The following COL23A1 variants were observed in gnomAD, a reference collection of about 807,000 sequenced individuals.
COL23A1 encodes collagen type XXIII alpha 1 chain.
A neutral mutation model predicts 99.3 loss-of-function variants in COL23A1; 97 were observed. The ratio of observed to expected loss-of-function variants is 0.98; its 90% confidence interval spans 0.83 to 1.16. COL23A1 has a LOEUF of 1.16. Among genes scored for constraint, COL23A1 ranks in the 50% most tolerant of loss-of-function variants. The pLI, the probability that COL23A1 is intolerant of heterozygous loss-of-function variation, is 0.00. For missense variants in COL23A1, 762 were observed against 757.4 expected (o/e 1.01, Z -0.07); for synonymous variants, 320 against 308.2 (o/e 1.04, Z -0.40).
At position 178,272,350 on chromosome 5, in the gene COL23A1, G is replaced by A. The variant is rs539163353; in HGVS notation, c.442-1987C>T. Among the ~76,000 whole-genome samples, 5 of 152,330 alleles carry A rather than the reference G, an allele frequency of 3.3e-5. No homozygotes were observed. In the South Asian group the frequency reaches 1.0e-3, roughly 32 times the overall value. ...GCCCATCTGCCCATTCCCAGACGGTGTGAGAGTGGCCACTCCACGTGGGGC... is the reference window on the plus strand; with the variant it reads ...GCCCATCTGCCCATTCCCAGACGGTATGAGAGTGGCCACTCCACGTGGGGC... On this transcript the variant is annotated intron_variant, in intron 5 of 28. Coordinates refer to ENST00000390654, the MANE Select transcript of COL23A1 (RefSeq NM_173465.4).
intron 2 of COL23A1, among the ~76,000 whole-genome samples, chr5:178,443,294 C>T (rs934817306): frequency 6.6e-6 from 1 of 152,194 alleles, no homozygotes. Context: ...TAACCGGATC[C>T]GAACGACTTC....
chr5:178,306,992 G>A lies in COL23A1; in HGVS notation c.362-73C>T. Reference sequence around the variant, plus strand: ...ACTTGGCTGCGTGGGGCATGCCCCAGCCACCCACCTGTCCGCTCGCAACAG... The same window carrying A: ...ACTTGGCTGCGTGGGGCATGCCCCAACCACCCACCTGTCCGCTCGCAACAG... On this transcript the variant is annotated intron_variant, in intron 2 of 28. Coordinates refer to ENST00000390654, the MANE Select transcript of COL23A1 (RefSeq NM_173465.4). The surrounding 1 kb of genome is among the most constrained non-coding windows in gnomAD (Gnocchi z 4.1). 3 of 1,140,508 alleles carry A rather than the reference G, an allele frequency of 2.6e-6. No homozygotes were observed. The highest frequency in any genetic ancestry group is 3.6e-6 in the Non-Finnish European group (3 of 840,938). 70.6% of individuals were successfully genotyped at this position (1,140,508 alleles called of 1,614,324 possible). A position where few individuals can be genotyped will look rare whatever the true frequency, so the allele number is the denominator to read the frequency against.
At chr5:178,445,023 AT>A (rs1227488703) in intron 2 of COL23A1, among the ~76,000 whole-genome samples, 3 of 152,222 alleles carry the variant, frequency 2.0e-5, no homozygotes, top group African/African-American at 7.2e-5. Flanking sequence ...GAAAAAAAAC[AT>A]TGCCTGGCTA....
At chr5:178,505,428 T>G (rs1758812226) in intron 2 of COL23A1, among the ~76,000 whole-genome samples, 1 of 152,006 alleles carries the variant, frequency 6.6e-6, no homozygotes, top group East Asian at 1.9e-4. Flanking sequence ...TTCTTTATAT[T>G]TTTTGGTAGA....
At chr5:178,550,497 A>G (rs934659236) in intron 2 of COL23A1, among the ~76,000 whole-genome samples, 1 of 152,202 alleles carries the variant, frequency 6.6e-6, no homozygotes, top group Non-Finnish European at 1.5e-5. Context: ...CCAGTTGAGA[A>G]GCACGGCTTT....
At position 178,298,714 on chromosome 5, in the gene COL23A1, C is replaced by T. The variant is rs192394882; in HGVS notation, c.406+8161G>A. Among the ~76,000 whole-genome samples, 11 of 152,306 alleles carry T rather than the reference C, an allele frequency of 7.2e-5. No homozygotes were observed. In the East Asian group the frequency reaches 1.7e-3, roughly 24 times the overall value. On this transcript the variant is annotated intron_variant, in intron 3 of 28. Transcript: ENST00000390654. Reference sequence around the variant, plus strand: ...CAGCTCTCAGAAGCATGAACCCATCCCCAGAATAAAGACAACAACCTTCAG... The same window carrying T: ...CAGCTCTCAGAAGCATGAACCCATCTCCAGAATAAAGACAACAACCTTCAG...
intron 2 of COL23A1, among the ~76,000 whole-genome samples, chr5:178,413,138 G>C (rs1268507375): frequency 6.6e-6 from 1 of 152,100 alleles, no homozygotes; most frequent in African/African-American, 2.4e-5. Flanking sequence ...AGCTATGACT[G>C]TCATAGCATT....
At chr5:178,452,802 T>A (rs73338607) in intron 2 of COL23A1, among the ~76,000 whole-genome samples, 13,764 of 152,050 alleles carry the variant, frequency 0.091, 2,028 homozygotes, top group African/African-American at 0.31. Flanking sequence ...TACATGGAGG[T>A]GAGGGGATGG....
In COL23A1 at chr5:178,384,341, G is replaced by C. The variant is rs1763552585; in HGVS notation, c.362-77422C>G. On this transcript the variant is annotated intron_variant, in intron 2 of 28. Coordinates refer to ENST00000390654, the MANE Select transcript of COL23A1 (RefSeq NM_173465.4). This position sits in a 1 kb window ranked among gnomAD's most constrained non-coding sequence, Gnocchi z 5.5. ...CTGCCTGGCGTTTTCTCATAAACCA[G>C]CTTTCACGAGGTGTTGGCTGCTCAG... Among the ~76,000 whole-genome samples, 2 of 152,256 alleles carry C rather than the reference G, an allele frequency of 1.3e-5. No individual in the cohort carries two copies. Among genetic ancestry groups the C allele is most frequent in the African/African-American group, 4.8e-5 (2 of 41,468 alleles).
At chr5:178,576,991 C>T (rs934291321) in intron 1 of COL23A1, among the ~76,000 whole-genome samples, 2 of 151,944 alleles carry the variant, frequency 1.3e-5, no homozygotes, top group African/African-American at 2.4e-5. Context: ...GGGAGCGGCC[C>T]CTCCTCGGGC....
intron 2 of COL23A1, among the ~76,000 whole-genome samples, chr5:178,380,206 G>C (rs1763304591): frequency 1.3e-5 from 2 of 152,294 alleles, no homozygotes; most frequent in South Asian, 4.1e-4. Context: ...AAGTCAATGG[G>C]TCAATTGCTG....
At chr5:178,312,218 T>C (rs1289930645) in intron 2 of COL23A1, among the ~76,000 whole-genome samples, 2 of 152,144 alleles carry the variant, frequency 1.3e-5, no homozygotes, top group Non-Finnish European at 2.9e-5. Flanking sequence ...TCACTGCCTG[T>C]CTGTGAACCT....
chr5:178,589,843 G>A lies in COL23A1; in HGVS notation c.294+61C>T, dbSNP rs1764176680. 5 of 1,241,206 alleles carry A rather than the reference G, an allele frequency of 4.0e-6. No homozygotes were observed. The highest frequency in any genetic ancestry group is 1.6e-5 in the African/African-American group (1 of 63,552). The allele number at this position is 1,241,206 out of a possible 1,614,324, so 76.9% of individuals were successfully genotyped here. A position where few individuals can be genotyped will look rare whatever the true frequency, so the allele number is the denominator to read the frequency against. On this transcript the variant is annotated intron_variant, in intron 1 of 28. Coordinates refer to ENST00000390654, the MANE Select transcript of COL23A1 (RefSeq NM_173465.4). The surrounding 1 kb of genome is among the most constrained non-coding windows in gnomAD (Gnocchi z 5.4). ...CTGCACGCTGCCCCCGGCTCCCAGC[G>A]TACCGCCACCCTCAACCCGACACAC...
chr5:178,480,072 T>C (rs1403708041), intron 2 of COL23A1, among the ~76,000 whole-genome samples: 1 of 151,602 alleles, frequency 6.6e-6, no homozygotes, highest in Non-Finnish European at 1.5e-5. Context: ...ATTATAATTG[T>C]AGAGGTCCAC....
chr5:178,582,222 A>AG (rs1249498100), intron 1 of COL23A1, among the ~76,000 whole-genome samples: 2 of 151,006 alleles, frequency 1.3e-5, no homozygotes, highest in African/African-American at 2.4e-5. Flanking sequence ...AAAAAAAAAA[A>AG]AAAAAAAAAA....
At chr5:178,358,415 GTA>G (rs572648585) in intron 2 of COL23A1, among the ~76,000 whole-genome samples, 1,908 of 122,308 alleles carry the variant, frequency 0.016, 33 homozygotes, top group African/African-American at 0.05. Context: ...GTGTGTATGT[GTA>G]TGTGTGTGTA....
At chr5:178,289,172 C>T (rs778170430) in intron 4 of COL23A1, among the ~76,000 whole-genome samples, 2 of 151,836 alleles carry the variant, frequency 1.3e-5, no homozygotes, top group Non-Finnish European at 2.9e-5. Flanking sequence ...TTCCGAAGGG[C>T]ACTGATCGGG....
At chr5:178,583,864 C>A (rs540354) in intron 1 of COL23A1, among the ~76,000 whole-genome samples, 46,617 of 151,872 alleles carry the variant, frequency 0.31, 7,757 homozygotes, top group Middle Eastern at 0.44. Context: ...CTGCTTTCTC[C>A]CCAATTTTTA....
chr5:178,239,275 A>G, intron 27 of COL23A1, 96 bp from the exon 28 acceptor site: 1 of 1,424,220 alleles, frequency 7.0e-7, no homozygotes, highest in South Asian at 1.2e-5. Context: ...GGTGCAGGCC[A>G]GGGAGCGGCC....
Sources: gnomAD v4.1 joint callset for allele counts (sites outside exome capture counted in the v4.1 genomes callset) on GRCh38, gnomAD v4.1.1 for gene constraint, Gnocchi (gnomAD v3.1) non-coding constraint, MANE v1.5 for transcripts, NCBI Gene and HGNC (gene_info 2026-07-23, HGNC 2026-07-21) for gene names.